The following COL25A1 variants were observed in gnomAD, a reference collection of about 807,000 sequenced individuals.
COL25A1 encodes collagen alpha-1(XXV) chain.
COL25A1 carries 103 observed loss-of-function variants against 128.4 expected under a neutral mutation model. The observed-to-expected ratio is 0.80, with a 90% CI of 0.68 to 0.94. The LOEUF is 0.94. Among genes scored for constraint, COL25A1 ranks in the 40% least tolerant of loss-of-function variants. The pLI is 0.00. For missense variants in COL25A1, 745 were observed against 840.0 expected (o/e 0.89, Z 1.40); for synonymous variants, 279 against 277.2 (o/e 1.01, Z -0.06).
At chr4:109,185,714 C>G (rs1288203118) in intron 3 of COL25A1, among the ~76,000 whole-genome samples, 2 of 152,100 alleles carry the variant, frequency 1.3e-5, no homozygotes, top group Admixed American at 6.6e-5. Flanking sequence ...TGGCCCTGAT[C>G]TAACAGGATT....
chr4:108,889,796 T>C, intron 16 of COL25A1, 63 bp from the exon 17 acceptor site: 1 of 1,449,916 alleles, frequency 6.9e-7, no homozygotes, highest in African/African-American at 1.4e-5. Flanking sequence ...TCACAAGCAC[T>C]CAGAGAGCCA....
chr4:108,861,386 T>C (rs1737201667), intron 22 of COL25A1, among the ~76,000 whole-genome samples: 1 of 152,122 alleles, frequency 6.6e-6, no homozygotes, highest in Admixed American at 6.5e-5. Flanking sequence ...AAAGTGTAGA[T>C]AGTTGGGACA....
intron 3 of COL25A1, among the ~76,000 whole-genome samples, chr4:109,281,416 A>G (rs1489749856): frequency 1.3e-5 from 2 of 152,138 alleles, no homozygotes; most frequent in African/African-American, 2.4e-5. Flanking sequence ...TGGCAAAAAA[A>G]AAAAAAAAAA....
chr4:109,130,303 A>G (rs1769061704), intron 3 of COL25A1, among the ~76,000 whole-genome samples: 1 of 152,308 alleles, frequency 6.6e-6, no homozygotes, highest in South Asian at 2.1e-4. Context: ...GTAAATGTTC[A>G]CACAAAAGAT....
At chr4:109,083,420 A>G (rs886596025) in intron 3 of COL25A1, among the ~76,000 whole-genome samples, 4 of 150,784 alleles carry the variant, frequency 2.7e-5, no homozygotes, top group African/African-American at 7.3e-5. Context: ...CAAAATACAT[A>G]AACACCAATA....
chr4:109,006,522 G>C (rs928103082), intron 6 of COL25A1, among the ~76,000 whole-genome samples: 1 of 150,386 alleles, frequency 6.6e-6, no homozygotes, highest in East Asian at 2.0e-4. Context: ...TTACAGGTGT[G>C]AGCCACCGTG....
Position 108,824,160 on chromosome 4 carries a change from G to C in COL25A1, c.1845+14C>G. On this transcript the variant is annotated intron_variant, in intron 35 of 37. Coordinates refer to ENST00000399132, the MANE Select transcript of COL25A1 (RefSeq NM_198721.4). Reference sequence around the variant, plus strand: ...AAGAATCAAACAAGGTACATGCTGGGATGGAGAGGTCACCTTTTCTCCCTT... The same window carrying C: ...AAGAATCAAACAAGGTACATGCTGGCATGGAGAGGTCACCTTTTCTCCCTT... 6.2e-7 allele frequency: 1 copy of C among 1,614,048 alleles called. No homozygotes were observed. The highest frequency in any genetic ancestry group is 8.5e-7 in the Non-Finnish European group (1 of 1,179,948).
Position 109,081,710 on chromosome 4 carries a change from A to G in COL25A1, c.368-31531T>C, listed in dbSNP as rs531980022. ...ACTAATCTATTTTGTTTTTTCTTTT[A>G]TTTTTTTTTTTGAGACAGAGTCTCA... On this transcript the variant is annotated intron_variant, in intron 3 of 37. Coordinates refer to ENST00000399132, the MANE Select transcript of COL25A1 (RefSeq NM_198721.4). Among the ~76,000 whole-genome samples the G allele has an allele frequency of 2.7e-5, 4 of 147,266 alleles. No homozygotes were observed. The Admixed American group carries it at 2.7e-4, about 10-fold the overall frequency.
chr4:109,155,151 C>T (rs1771909341), intron 3 of COL25A1, among the ~76,000 whole-genome samples: 1 of 152,166 alleles, frequency 6.6e-6, no homozygotes, highest in Non-Finnish European at 1.5e-5. Flanking sequence ...ATAAAGCTAA[C>T]CAAACTTTAC....
At chr4:108,819,733 C>T (rs556069474) in intron 35 of COL25A1, 47 of 656,282 alleles carry the variant, frequency 7.2e-5, no homozygotes, top group South Asian at 5.9e-4. Flanking sequence ...CCTCCTGTTA[C>T]GGATCCCTCC....
At position 108,827,196 on chromosome 4, in the gene COL25A1, G is replaced by A; in HGVS notation, c.1711-8C>T. On this transcript the variant is annotated splice_polypyrimidine_tract_variant and splice_region_variant and intron_variant, in intron 32 of 37. Coordinates refer to ENST00000399132, the MANE Select transcript of COL25A1 (RefSeq NM_198721.4). Reference sequence around the variant, plus strand: ...CATAGCTCCTTTTTCACCCTAAAATGAAAAGTAGAAAGTTCAAATCATACA... The same window carrying A: ...CATAGCTCCTTTTTCACCCTAAAATAAAAAGTAGAAAGTTCAAATCATACA... 1 of 1,613,460 alleles carries A rather than the reference G, an allele frequency of 6.2e-7. No individual in the cohort carries two copies. Among genetic ancestry groups the A allele is most frequent in the Non-Finnish European group, 8.5e-7 (1 of 1,179,540 alleles).
chr4:109,245,595 A>G (rs1780204059), intron 3 of COL25A1, among the ~76,000 whole-genome samples: 1 of 152,176 alleles, frequency 6.6e-6, no homozygotes, highest in Non-Finnish European at 1.5e-5. Flanking sequence ...TTATATGAAT[A>G]CCTGCTATGA....
Position 108,964,009 on chromosome 4 carries a change from A to G in COL25A1, c.492+10358T>C, listed in dbSNP as rs948159590. ...AAATGAAATCTCTTTACTCCATAAAATGGAAATAATTATTTACATATCATA... is the reference window on the plus strand; with the variant it reads ...AAATGAAATCTCTTTACTCCATAAAGTGGAAATAATTATTTACATATCATA... On this transcript the variant is annotated intron_variant, in intron 8 of 37. Coordinates refer to ENST00000399132, the MANE Select transcript of COL25A1 (RefSeq NM_198721.4). Among the ~76,000 whole-genome samples the G allele has an allele frequency of 6.0e-5, 9 of 151,078 alleles. 1 individual carries two copies. The highest frequency in any genetic ancestry group is 1.0e-4 in the Non-Finnish European group (7 of 67,728).
chr4:109,275,967 C>T (rs1206928879), intron 3 of COL25A1, among the ~76,000 whole-genome samples: 1 of 152,186 alleles, frequency 6.6e-6, no homozygotes, highest in Non-Finnish European at 1.5e-5. Flanking sequence ...AAACACCTAC[C>T]CATTATTCAG....
rs534847156 is a variant in COL25A1, at chr4:108,939,688, A to C, written c.672+851T>G. ...ATTATGTACTACAAAAATACTATGA[A>C]AATAATTTGTTAAATAAATACATTG... On this transcript the variant is annotated intron_variant, in intron 10 of 37. Coordinates refer to ENST00000399132, the MANE Select transcript of COL25A1 (RefSeq NM_198721.4). Among the ~76,000 whole-genome samples the C allele has an allele frequency of 2.0e-5, 3 of 152,294 alleles. No homozygotes were observed. In the East Asian group the frequency reaches 5.8e-4, roughly 29 times the overall value.
chr4:108,841,624 T>C, intron 31 of COL25A1, 71 bp downstream of exon 31: 1 of 1,223,616 alleles, frequency 8.2e-7, no homozygotes, highest in Non-Finnish European at 1.2e-6. Context: ...AGGACAGACA[T>C]GCTTCTGTCA....
intron 3 of COL25A1, among the ~76,000 whole-genome samples, chr4:109,081,905 T>C (rs1672302835): frequency 1.3e-5 from 2 of 152,064 alleles, no homozygotes; most frequent in Admixed American, 1.3e-4. Context: ...GGTTTCACTA[T>C]GTTAGCCAGG....
chr4:109,167,375 C>CT (rs1271424041), intron 3 of COL25A1, among the ~76,000 whole-genome samples: 1 of 152,116 alleles, frequency 6.6e-6, no homozygotes, highest in Non-Finnish European at 1.5e-5. Context: ...ATTTTGGTCT[C>CT]TAATTCCACG....
At chr4:109,036,004 T>C (rs1314367817) in intron 5 of COL25A1, among the ~76,000 whole-genome samples, 1 of 152,066 alleles carries the variant, frequency 6.6e-6, no homozygotes, top group East Asian at 1.9e-4. Context: ...CTCGGCTCAC[T>C]GCAAGCTACG....
Sources: allele counts gnomAD v4.1 joint callset (sites outside exome capture counted in the v4.1 genomes callset), GRCh38; gene constraint gnomAD v4.1.1; transcripts MANE v1.5; gene names NCBI Gene and HGNC (gene_info 2026-07-23, HGNC 2026-07-21).